The following SOX6 variants were observed in gnomAD, a reference collection of about 807,000 sequenced individuals.
SOX6 encodes SRY-box transcription factor 6, also known as transcription factor SOX-6.
Under a neutral mutation model 97.8 loss-of-function variants are expected in SOX6, and 11 were observed. That is an observed-to-expected ratio of 0.11 (90% CI 0.07 to 0.19). The LOEUF (loss-of-function observed/expected upper bound fraction) is 0.19. Ranked by LOEUF, SOX6 falls within the 10% of genes least tolerant of loss-of-function variation. The pLI is 1.00. For missense variants in SOX6, 810 were observed against 1,039.5 expected, an observed-to-expected ratio of 0.78 and a Z score of 3.04; for synonymous variants, 360 against 371.4, an observed-to-expected ratio of 0.97 and a Z score of 0.35.
intron 4 of SOX6, among the ~76,000 whole-genome samples, chr11:16,525,702 A>G (rs1277306095): frequency 4.6e-5 from 7 of 152,062 alleles, no homozygotes; most frequent in African/African-American, 1.7e-4. Flanking sequence ...GGCAACCTAC[A>G]AAATGGGAGA....
chr11:16,404,110 G>A (rs934772307), intron 1 of SOX6, among the ~76,000 whole-genome samples: 3 of 151,858 alleles, frequency 2.0e-5, no homozygotes, highest in Non-Finnish European at 4.4e-5. Context: ...CAAGATTTTA[G>A]TGTTGAATTG....
At chr11:16,683,683 T>A (rs1416885326) in intron 3 of SOX6, among the ~76,000 whole-genome samples, 22 of 150,528 alleles carry the variant, frequency 1.5e-4, no homozygotes, top group African/African-American at 5.0e-4. Flanking sequence ...GGGCAAAGAC[T>A]TCATGACTAA....
Position 16,674,047 on chromosome 11 carries a change from G to T in SOX6, n.429+40783C>A, listed in dbSNP as rs190940510. ...TACTAAAAAATACAAAAAATTAGCC[G>T]GGCCTGGTGGCGGGCGCCTGTAGTC... On this transcript the variant is annotated intron_variant and non_coding_transcript_variant, in intron 3 of 5. Coordinates refer to the SOX6 transcript ENST00000524520. Among the ~76,000 whole-genome samples the T allele has an allele frequency of 3.9e-5, 6 of 151,956 alleles. No individual in the cohort carries two copies. In the East Asian group the frequency reaches 9.7e-4, roughly 25 times the overall value.
chr11:16,289,839 C>T (rs1211302475), intron 3 of SOX6, among the ~76,000 whole-genome samples: 6 of 151,838 alleles, frequency 4.0e-5, no homozygotes, highest in Non-Finnish European at 5.9e-5. Flanking sequence ...ACAATGGCTA[C>T]GTCACAAAGA....
intron 15 of SOX6, among the ~76,000 whole-genome samples, chr11:15,977,492 C>T (rs886119109): frequency 1.3e-5 from 2 of 151,978 alleles, no homozygotes; most frequent in Non-Finnish European, 2.9e-5. Context: ...AACCCACCTT[C>T]ACTGCCCTCA....
chr11:16,064,865 C>T (rs1380510899), intron 9 of SOX6, among the ~76,000 whole-genome samples: 1 of 151,716 alleles, frequency 6.6e-6, no homozygotes, highest in African/African-American at 2.4e-5. Flanking sequence ...AGGAATATGC[C>T]TCAATATAAT....
intron 1 of SOX6, among the ~76,000 whole-genome samples, chr11:16,348,937 C>A (rs1169111170): frequency 6.6e-6 from 1 of 152,038 alleles, no homozygotes; most frequent in Non-Finnish European, 1.5e-5. Context: ...AAGCATAGGA[C>A]ACATATCCAC....
At chr11:16,659,588 T>C (rs1320377774) in intron 3 of SOX6, among the ~76,000 whole-genome samples, 1 of 152,232 alleles carries the variant, frequency 6.6e-6, no homozygotes, top group Admixed American at 6.5e-5. Context: ...TTGACTGGGA[T>C]TGCATTGACT....
At chr11:16,199,635 T>C (rs1424277478) in intron 4 of SOX6, among the ~76,000 whole-genome samples, 1 of 152,200 alleles carries the variant, frequency 6.6e-6, no homozygotes, top group Admixed American at 6.5e-5. Context: ...AAGTACGCTG[T>C]TGGGAGATAC....
chr11:16,006,027 C>T (rs1303027300), intron 13 of SOX6, among the ~76,000 whole-genome samples: 2 of 151,900 alleles, frequency 1.3e-5, no homozygotes, highest in African/African-American at 2.4e-5. Flanking sequence ...TGTAAGGCAT[C>T]GATCAGTCAC....
chr11:16,568,934 C>T (rs1472228821), intron 4 of SOX6, among the ~76,000 whole-genome samples: 4 of 152,310 alleles, frequency 2.6e-5, no homozygotes, highest in South Asian at 4.1e-4. Context: ...TAACCTTTTA[C>T]TTTTCATCCT....
At chr11:16,480,904 A>G (rs1280610511), upstream of SOX6, among the ~76,000 whole-genome samples, 1 of 152,170 alleles carries the variant, frequency 6.6e-6, no homozygotes, top group African/African-American at 2.4e-5. Flanking sequence ...CTAATATTAT[A>G]CATAGTGAGC....
chr11:16,731,344 T>G (rs1299639986), intron 2 of SOX6, among the ~76,000 whole-genome samples: 1 of 152,184 alleles, frequency 6.6e-6, no homozygotes, highest in Non-Finnish European at 1.5e-5. Context: ...GTGAAAATCC[T>G]CAATAAAATA....
chr11:16,368,009 A>G (rs1377079142), intron 1 of SOX6, among the ~76,000 whole-genome samples: 1 of 152,122 alleles, frequency 6.6e-6, no homozygotes, highest in Non-Finnish European at 1.5e-5. Flanking sequence ...TTATTCAGGG[A>G]CTTACTGCAT....
At chr11:16,391,010 C>A (rs2134425584) in intron 1 of SOX6, among the ~76,000 whole-genome samples, 1 of 152,168 alleles carries the variant, frequency 6.6e-6, no homozygotes. Context: ...TACTATGCAG[C>A]CATAAAAAAG....
chr11:16,033,901 T>A (rs970111055), intron 12 of SOX6, among the ~76,000 whole-genome samples: 2 of 146,308 alleles, frequency 1.4e-5, no homozygotes, highest in Non-Finnish European at 3.0e-5. Flanking sequence ...AATAAATAAA[T>A]AGAAAGAAAG....
chr11:16,054,265 T>C (rs899046542), intron 10 of SOX6, among the ~76,000 whole-genome samples: 3 of 152,156 alleles, frequency 2.0e-5, no homozygotes, highest in Non-Finnish European at 4.4e-5. Context: ...GTCACTGATG[T>C]TTGATATACT....
intron 4 of SOX6, among the ~76,000 whole-genome samples, chr11:16,213,999 T>C (rs564219042): frequency 5.4e-4 from 82 of 152,278 alleles, no homozygotes; most frequent in African/African-American, 1.9e-3. Context: ...TATTATAATA[T>C]AGAAGAACAC....
chr11:16,174,839 T>A (rs970146923), intron 6 of SOX6, among the ~76,000 whole-genome samples: 19 of 152,038 alleles, frequency 1.2e-4, no homozygotes, highest in Non-Finnish European at 2.8e-4. Context: ...TCATTTACCA[T>A]CCTTCTAACT....
Sources: gnomAD v4.1 joint callset for allele counts (sites outside exome capture counted in the v4.1 genomes callset) on GRCh38, gnomAD v4.1.1 for gene constraint, MANE v1.5 for transcripts, NCBI Gene and HGNC (gene_info 2026-07-23, HGNC 2026-07-21) for gene names.